NSD2: variants seen among roughly 807,000 people sequenced by gnomAD.
The protein encoded by NSD2 is nuclear receptor binding SET domain protein 2, also known as histone-lysine N-methyltransferase NSD2.
NSD2 carries 12 observed loss-of-function variants against 139.0 expected under a neutral mutation model. The ratio of observed to expected loss-of-function variants is 0.09; its 90% CI spans 0.06 to 0.14. The LOEUF (loss-of-function observed/expected upper bound fraction) is 0.14. NSD2 is among the 10% of genes least tolerant of loss of function. The pLI is 1.00. For missense variants in NSD2, 1,155 were observed against 1,745.0 expected (o/e 0.66, Z 6.02); for synonymous variants, 669 against 648.7 (o/e 1.03, Z -0.48).
intron 1 of NSD2, among the ~76,000 whole-genome samples, chr4:1,886,083 G>T (rs145583201): frequency 6.6e-6 from 1 of 152,268 alleles, no homozygotes; most frequent in East Asian, 1.9e-4. Flanking sequence ...TTTCCTTTAC[G>T]AAACTAAAGC....
chr4:1,950,739 C>T (rs1211478739), intron 9 of NSD2, among the ~76,000 whole-genome samples: 5 of 152,136 alleles, frequency 3.3e-5, no homozygotes, highest in African/African-American at 9.7e-5. Flanking sequence ...ATTCTTGTTC[C>T]AAAAAGCCTG....
chr4:1,922,050 A>G (rs1720213234), intron 5 of NSD2, among the ~76,000 whole-genome samples: 1 of 152,172 alleles, frequency 6.6e-6, no homozygotes, highest in South Asian at 2.1e-4. Context: ...CAGGAGGCCG[A>G]GGCAAGAGAA....
At chr4:1,916,267 C>G (rs1719380200) in intron 3 of NSD2, among the ~76,000 whole-genome samples, 1 of 152,198 alleles carries the variant, frequency 6.6e-6, no homozygotes, top group Admixed American at 6.5e-5. Flanking sequence ...GTCCTCTTGT[C>G]TTATTTGGTA....
chr4:1,972,417 C>G lies in NSD2; in HGVS notation c.3373-2446C>G, dbSNP rs1251463116. 6.6e-6 allele frequency among the ~76,000 whole-genome samples: 1 copy of G among 152,184 alleles called. No individual in the cohort carries two copies. The highest frequency in any genetic ancestry group is 1.5e-5 in the Non-Finnish European group (1 of 68,048). On this transcript the variant is annotated intron_variant, in intron 18 of 21. Transcript: ENST00000508803. This position sits in a 1 kb window ranked among gnomAD's most constrained non-coding sequence, Gnocchi z 4.0. ...ATACCTGGACAGGCAATTTCAAAGT[C>G]CATGTAGAAGGAAAGATCTGCAGGT...
chr4:1,876,633 G>A (rs1156948137), intron 1 of NSD2, among the ~76,000 whole-genome samples: 1 of 152,148 alleles, frequency 6.6e-6, no homozygotes, highest in Non-Finnish European at 1.5e-5. Flanking sequence ...TGAGGCTGCA[G>A]TGAGCTGTGA....
rs1715136795 is a variant in NSD2, at chr4:1,886,655, C to A, written c.-29-13971C>A. Among the ~76,000 whole-genome samples the A allele has an allele frequency of 2.0e-5, 3 of 151,970 alleles. No individual in the cohort carries two copies. The South Asian group carries it at 6.2e-4, about 32-fold the overall frequency. On this transcript the variant is annotated intron_variant, in intron 1 of 21. Coordinates refer to ENST00000508803, the MANE Select transcript of NSD2 (RefSeq NM_001042424.3). ...GACCATCCTAGCCAACGTGGTGGAA[C>A]CCCGTCTCTACTAAAATACACACAC...
chr4:1,944,423 T>C (rs1288894733), intron 9 of NSD2: 1 of 1,064,956 alleles, frequency 9.4e-7, no homozygotes, highest in African/African-American at 1.6e-5. Context: ...CCTTAAGACA[T>C]TTGAATTGCC....
chr4:1,897,409 C>T (rs1484735664), intron 1 of NSD2, among the ~76,000 whole-genome samples: 1 of 151,994 alleles, frequency 6.6e-6, no homozygotes, highest in Non-Finnish European at 1.5e-5. Flanking sequence ...TGCTTGAGCC[C>T]TGAAGGATAG....
At chr4:1,951,239 G>T (rs1724191677) in intron 10 of NSD2, 36 bp downstream of exon 10, 3 of 1,612,574 alleles carry the variant, frequency 1.9e-6, no homozygotes, top group Non-Finnish European at 1.7e-6. Flanking sequence ...GTCCGTGCTG[G>T]TGTCTGACTG....
chr4:1,969,673 G>A (rs958934520), intron 18 of NSD2, among the ~76,000 whole-genome samples: 14 of 152,040 alleles, frequency 9.2e-5, no homozygotes, highest in Non-Finnish European at 2.1e-4. Context: ...CTGTACAATT[G>A]TGCTCCAGCC....
intron 1 of NSD2, among the ~76,000 whole-genome samples, chr4:1,879,824 T>TTGTGTGTGTGTGTGTGTGTG (rs140755867): frequency 2.1e-5 from 3 of 144,158 alleles, no homozygotes; most frequent in African/African-American, 7.7e-5. Context: ...CCCATGGCAC[T>TTGTGTGTGTGTGTGTGTGTG]TGTGTGTGTG....
Position 1,980,774 on chromosome 4 carries a change from C to G in NSD2, c.*1865C>G. On this transcript the variant is annotated 3_prime_UTR_variant, in exon 22 of 22. Transcript: ENST00000508803. The stretch of plus-strand genomic sequence containing the variant: ...TGACTTGCTCGCGCGGCCGTGGCCT[C>G]TGAGGGGCACTCGCCGGTTAAGACA... 8.6e-6 allele frequency: 2 copies of G among 233,292 alleles called. No individual in the cohort carries two copies. Among genetic ancestry groups the G allele is most frequent in the Non-Finnish European group, 1.7e-5 (2 of 118,048 alleles). 14.5% of individuals were successfully genotyped at this position (233,292 alleles called of 1,614,324 possible). A position where few individuals can be genotyped will look rare whatever the true frequency, so the allele number is the denominator to read the frequency against.
intron 1 of NSD2, among the ~76,000 whole-genome samples, chr4:1,874,562 A>G (rs899758239): frequency 6.6e-6 from 1 of 152,160 alleles, no homozygotes; most frequent in Non-Finnish European, 1.5e-5. Flanking sequence ...TTTAATGCCG[A>G]TATCTGGCCT....
intron 9 of NSD2, chr4:1,940,016 A>T (rs1722925446): frequency 1.5e-6 from 2 of 1,374,054 alleles, no homozygotes; most frequent in East Asian, 5.4e-5. Context: ...ACATGTACAG[A>T]TATACTTCAG....
chr4:1,962,189 G>A (rs1002653435), intron 18 of NSD2, among the ~76,000 whole-genome samples: 17 of 152,212 alleles, frequency 1.1e-4, no homozygotes, highest in Non-Finnish European at 2.2e-4. Flanking sequence ...AGCCTGCTCC[G>A]GGGGAGCACT....
Position 1,976,331 on chromosome 4 carries a change from A to T in NSD2, c.3622-144A>T, listed in dbSNP as rs1727077192. The T allele has an allele frequency of 7.1e-6, 6 of 843,594 alleles. No individual in the cohort carries two copies. In the East Asian group the frequency reaches 1.6e-4, roughly 23 times the overall value. 52.3% of individuals were successfully genotyped at this position (843,594 alleles called of 1,614,324 possible). On this transcript the variant is annotated intron_variant, in intron 20 of 21. Coordinates refer to ENST00000508803, the MANE Select transcript of NSD2 (RefSeq NM_001042424.3). This position sits in a 1 kb window ranked among gnomAD's most constrained non-coding sequence, Gnocchi z 5.3. Reference sequence around the variant, plus strand: ...AGTCTAAGGATGTCTGGGGAGCACGAGGAGGACACTCCTCTCCTCTCCTCT... The same window carrying T: ...AGTCTAAGGATGTCTGGGGAGCACGTGGAGGACACTCCTCTCCTCTCCTCT...
chr4:1,979,031 A>AGGCCTCCTCGGGAGGGAG lies in NSD2; in HGVS notation c.*123_*140dup. On this transcript the variant is annotated 3_prime_UTR_variant, in exon 22 of 22. Coordinates refer to ENST00000508803, the MANE Select transcript of NSD2 (RefSeq NM_001042424.3). ...TCGAGCCGCCAGGACACAGACGTAC[A>AGGCCTCCTCGGGAGGGAG]GGCCTCCTCGGGAGGGAGCGCCTCC... The AGGCCTCCTCGGGAGGGAG allele has an allele frequency of 7.7e-7, 1 of 1,300,766 alleles. No homozygotes were observed. Among genetic ancestry groups the AGGCCTCCTCGGGAGGGAG allele is most frequent in the Non-Finnish European group, 1.0e-6 (1 of 986,214 alleles). 80.6% of individuals were successfully genotyped at this position (1,300,766 alleles called of 1,614,324 possible). A position where few individuals can be genotyped will look rare whatever the true frequency, so the allele number is the denominator to read the frequency against.
Position 1,979,968 on chromosome 4 carries a change from C to CG in NSD2, c.*1061dup, listed in dbSNP as rs1176082412. The CG allele has an allele frequency of 8.6e-6, 2 of 232,474 alleles. No homozygotes were observed. Among genetic ancestry groups the CG allele is most frequent in the African/African-American group, 4.4e-5 (2 of 45,296 alleles). The allele number at this position is 232,474 out of a possible 1,614,324, so 14.4% of individuals were successfully genotyped here. On this transcript the variant is annotated 3_prime_UTR_variant, in exon 22 of 22. Coordinates refer to ENST00000508803, the MANE Select transcript of NSD2 (RefSeq NM_001042424.3). ...CCCAGCACGTGGGTCTAAAGAGAGA[C>CG]GGAGTCTAGCTCTCCTGCCACCCAG...
rs939389779 is a variant in NSD2 at position 1,978,930 on chromosome 4, G to A, written c.*21G>A. On this transcript the variant is annotated 3_prime_UTR_variant, in exon 22 of 22. Coordinates refer to ENST00000508803, the MANE Select transcript of NSD2 (RefSeq NM_001042424.3). ...AATAGCGCCAGGCGGCCGCTTGGCC[G>A]GATCCAGGGGCGGTGCAGGGCGGCC... 4 of 1,476,414 alleles carry A rather than the reference G, an allele frequency of 2.7e-6. No homozygotes were observed. The highest frequency in any genetic ancestry group is 1.4e-5 in the South Asian group (1 of 72,112). The allele number at this position is 1,476,414 out of a possible 1,614,324, so 91.5% of individuals were successfully genotyped here.
Sources: gnomAD v4.1 joint callset for allele counts (sites outside exome capture counted in the v4.1 genomes callset) on GRCh38, gnomAD v4.1.1 for gene constraint, Gnocchi (gnomAD v3.1) non-coding constraint, MANE v1.5 for transcripts, NCBI Gene and HGNC (gene_info 2026-07-23, HGNC 2026-07-21) for gene names.